CELF2: variants seen among roughly 807,000 people sequenced by gnomAD.
CELF2 encodes CUG triplet repeat RNA-binding protein 2.
Under a neutral mutation model 62.6 loss-of-function variants are expected in CELF2, and 8 were observed. That is an observed-to-expected ratio of 0.13 (90% CI 0.07 to 0.23). CELF2 has a LOEUF of 0.23. CELF2 is among the 10% of genes least tolerant of loss of function. CELF2 has a pLI of 1.00. For missense variants in CELF2, 333 were observed against 671.0 expected (o/e 0.50, Z 5.56); for synonymous variants, 258 against 250.0 (o/e 1.03, Z -0.30).
the CELF2 span, among the ~76,000 whole-genome samples, chr10:10,692,221 A>C: frequency 3.3e-5 from 5 of 149,850 alleles, no homozygotes; most frequent in Non-Finnish European, 6.0e-5. Flanking sequence ...TCAGCTTTCT[A>C]CATATGGCTA....
the CELF2 span, among the ~76,000 whole-genome samples, chr10:10,618,211 A>G: frequency 6.6e-6 from 1 of 151,736 alleles, no homozygotes; most frequent in Non-Finnish European, 1.5e-5. Flanking sequence ...TGAGACCGTC[A>G]CTCCCCTGCT....
chr10:10,892,765 C>T (rs560910636), intron 1 of CELF2, among the ~76,000 whole-genome samples: 1 of 152,300 alleles, frequency 6.6e-6, no homozygotes, highest in African/African-American at 2.4e-5. Flanking sequence ...CAGCCTTGCT[C>T]CTACGTTTTG....
chr10:10,500,467 C>T, the CELF2 span, among the ~76,000 whole-genome samples: 3 of 152,166 alleles, frequency 2.0e-5, no homozygotes, highest in Admixed American at 1.3e-4. Flanking sequence ...CTCTCATGAT[C>T]GTGAATAAGT....
At chr10:11,172,462 C>T (rs2069228529) in intron 2 of CELF2, among the ~76,000 whole-genome samples, 1 of 152,178 alleles carries the variant, frequency 6.6e-6, no homozygotes, top group African/African-American at 2.4e-5. Context: ...TGACTCTAGC[C>T]ATTGTGCTGA....
At chr10:11,226,109 G>A (rs980881731) in intron 3 of CELF2, among the ~76,000 whole-genome samples, 3 of 152,292 alleles carry the variant, frequency 2.0e-5, no homozygotes, top group South Asian at 2.1e-4. Flanking sequence ...ACAGCACAAC[G>A]GGAACAGTCA....
chr10:10,606,624 T>C, the CELF2 span, among the ~76,000 whole-genome samples: 1 of 152,154 alleles, frequency 6.6e-6, no homozygotes, highest in Non-Finnish European at 1.5e-5. Context: ...ATCAGCAAAC[T>C]TGGTTCTTTG....
intron 2 of CELF2, among the ~76,000 whole-genome samples, chr10:11,182,824 A>C (rs1021149374): frequency 1.3e-5 from 2 of 152,172 alleles, no homozygotes; most frequent in African/African-American, 4.8e-5. Flanking sequence ...GAAGCTCGGC[A>C]TTATTCCTGA....
At chr10:10,484,544 T>C in the CELF2 span, among the ~76,000 whole-genome samples, 1 of 151,146 alleles carries the variant, frequency 6.6e-6, no homozygotes, top group Non-Finnish European at 1.5e-5. Context: ...CTCAAACTCC[T>C]GGACTTAAGT....
intron 1 of CELF2, among the ~76,000 whole-genome samples, chr10:10,888,713 A>G (rs1284510200): frequency 1.3e-5 from 2 of 152,152 alleles, no homozygotes; most frequent in Non-Finnish European, 2.9e-5. Context: ...TCTGCCTCAA[A>G]CACTCTTTTT....
the CELF2 span, among the ~76,000 whole-genome samples, chr10:10,550,763 A>G: frequency 1.7e-4 from 26 of 151,444 alleles, no homozygotes; most frequent in South Asian, 3.8e-3. Flanking sequence ...CAATGGCACC[A>G]TCTCAGCTCG....
chr10:10,907,322 A>G (rs2063431559), intron 1 of CELF2, among the ~76,000 whole-genome samples: 1 of 152,238 alleles, frequency 6.6e-6, no homozygotes, highest in South Asian at 2.1e-4. Flanking sequence ...TTAAAATGAA[A>G]ATTGTTCCAG....
intron 9 of CELF2, among the ~76,000 whole-genome samples, chr10:11,291,180 T>G (rs918056159): frequency 7.9e-5 from 12 of 152,226 alleles, no homozygotes; most frequent in African/African-American, 2.4e-4. Context: ...TCCACAGGCC[T>G]GGGGTTTACC....
intron 1 of CELF2, among the ~76,000 whole-genome samples, chr10:11,077,950 A>G (rs1320182104): frequency 6.6e-6 from 1 of 152,192 alleles, no homozygotes; most frequent in South Asian, 2.1e-4. Context: ...TTTTGCAGCT[A>G]AAGCCCAAAG....
intron 3 of CELF2, among the ~76,000 whole-genome samples, chr10:11,234,575 G>C (rs2070310024): frequency 7.7e-6 from 1 of 129,648 alleles, no homozygotes; most frequent in South Asian, 2.8e-4. Flanking sequence ...CCAGCTAATC[G>C]GGAGGTTGAG....
intron 2 of CELF2, among the ~76,000 whole-genome samples, chr10:10,971,783 C>G (rs2050781629): frequency 6.6e-6 from 1 of 152,130 alleles, no homozygotes; most frequent in Non-Finnish European, 1.5e-5. Context: ...GATGGAGTTT[C>G]ACCATGTTGG....
the CELF2 span, among the ~76,000 whole-genome samples, chr10:10,633,081 T>A: frequency 6.6e-6 from 1 of 152,232 alleles, no homozygotes; most frequent in African/African-American, 2.4e-5. Flanking sequence ...TATTTTTCAA[T>A]GTTATTACTG....
At chr10:10,632,649 CT>C in the CELF2 span, among the ~76,000 whole-genome samples, 1 of 152,016 alleles carries the variant, frequency 6.6e-6, no homozygotes, top group South Asian at 2.1e-4. Flanking sequence ...ATCTCAAAAT[CT>C]TCTTTTTGTT....
chr10:11,291,073 T>C (rs1450672203), intron 9 of CELF2, among the ~76,000 whole-genome samples: 1 of 152,194 alleles, frequency 6.6e-6, no homozygotes, highest in Non-Finnish European at 1.5e-5. Context: ...ATTGCCATTA[T>C]TTACTTTTTA....
intron 1 of CELF2, among the ~76,000 whole-genome samples, chr10:11,063,572 A>G (rs964523522): frequency 6.6e-6 from 1 of 152,240 alleles, no homozygotes; most frequent in Non-Finnish European, 1.5e-5. Context: ...TTCATACTCA[A>G]TAAAATGCCT....
Sources: gnomAD v4.1 joint callset for allele counts (sites outside exome capture counted in the v4.1 genomes callset) on GRCh38, gnomAD v4.1.1 for gene constraint, MANE v1.5 for transcripts, NCBI Gene and HGNC (gene_info 2026-07-23, HGNC 2026-07-21) for gene names.